CCDC59: variants seen among roughly 807,000 people sequenced by gnomAD.
The protein encoded by CCDC59 is thyroid transcription factor 1-associated protein 26.
In CCDC59, 27 loss-of-function variants were observed where a neutral mutation model predicts 30.5. The ratio of observed to expected loss-of-function variants is 0.89; its 90% CI spans 0.65 to 1.22. The LOEUF (loss-of-function observed/expected upper bound fraction) is 1.22, where lower values mean the gene tolerates loss of function less well. CCDC59 is among the 50% of genes most tolerant of loss of function. The probability of loss-of-function intolerance (pLI) is 0.00; values close to 1 mark genes in which losing one functional copy is unlikely to be tolerated. For synonymous variants in CCDC59, 125 were observed against 100.9 expected, an observed-to-expected ratio of 1.24 and a Z score of -1.43; for missense variants, 362 against 284.4, an observed-to-expected ratio of 1.27 and a Z score of -1.96.
rs749125579 is a variant in CCDC59 at position 82,354,494 on chromosome 12, CTTGT to C, written c.561_564del (p.Gln188AsnfsTer27). The C allele has an allele frequency of 6.3e-7, 1 of 1,575,378 alleles. No homozygotes were observed. Among genetic ancestry groups the C allele is most frequent in the East Asian group, 2.3e-5 (1 of 44,118 alleles). On this transcript the variant is annotated frameshift_variant and splice_region_variant, in exon 3 of 4. Coordinates refer to ENST00000256151, the MANE Select transcript of CCDC59 (RefSeq NM_014167.5). LOFTEE classifies it high-confidence loss of function. ...CTAAATATTTTCAAAGTAGAACTTA[CTTGT>C]TTCTTAGCAGCACGTTTGGCTTGTA... is the stretch of plus-strand genomic sequence containing the variant.
chr12:82,355,452 C>T (rs557660633), intron 2 of CCDC59: 1 of 152,092 alleles, frequency 6.6e-6, no homozygotes, highest in South Asian at 2.1e-4. Flanking sequence ...GAAAAAAAAT[C>T]GTATGTTGAA....
chr12:82,356,047 C>T (rs1880996960), intron 2 of CCDC59: 1 of 152,124 alleles, frequency 6.6e-6, no homozygotes, highest in African/African-American at 2.4e-5. Context: ...CTTTTTGTGT[C>T]TCTGCCTTCA....
Position 82,358,257 on chromosome 12 carries a change from G to A in CCDC59, c.120C>T (p.Asn40=), listed in dbSNP as rs749377738. The A allele has an allele frequency of 3.1e-6, 5 of 1,614,076 alleles. No homozygotes were observed. Among genetic ancestry groups the A allele is most frequent in the Non-Finnish European group, 4.2e-6 (5 of 1,180,040 alleles). Residue 40 remains asparagine, a synonymous_variant, in exon 1 of 4, where the codon AAC becomes AAT. Coordinates refer to ENST00000256151, the MANE Select transcript of CCDC59 (RefSeq NM_014167.5). ...KNVRQKTWRP[N]HPQAFVGSVR... ...CGCTCCCCACGAAGGCTTGCGGGTGGTTAGGCCGCCATGTCTTCTGTCTCA... is the reference window on the plus strand; with the variant it reads ...CGCTCCCCACGAAGGCTTGCGGGTGATTAGGCCGCCATGTCTTCTGTCTCA...
chr12:82,355,769 C>G (rs1210455219), intron 2 of CCDC59: 3 of 152,184 alleles, frequency 2.0e-5, no homozygotes, highest in African/African-American at 7.2e-5. Context: ...CACAACTTTT[C>G]TCTGTGGACT....
Position 82,358,346 on chromosome 12 carries a change from G to C in CCDC59, c.31C>G (p.Arg11Gly), listed in dbSNP as rs761012560. The part of the protein sequence containing the change: MAPVRRSAKW[R>G]PGGIEARGEG... ...CCACGCGCCTCAATACCACCAGGCC[G>C]CCACTTCGCGGACCGCCTCACCGGC... Residue 11 changes from arginine to glycine, a missense_variant, in exon 1 of 4, where the codon CGG becomes GGG. Physicochemically the swap from Arg to Gly is moderately radical, Grantham distance 125 (BLOSUM62 -2). Transcript: ENST00000256151. 1.2e-6 allele frequency: 2 copies of C among 1,613,784 alleles called. No individual in the cohort carries two copies. Among genetic ancestry groups the C allele is most frequent in the Non-Finnish European group, 8.5e-7 (1 of 1,180,010 alleles).
upstream of CCDC59, chr12:82,358,711 A>T (rs376861908): frequency 1.4e-5 from 23 of 1,613,914 alleles, no homozygotes; most frequent in African/African-American, 2.9e-4. Flanking sequence ...GTGTGGGAGG[A>T]GCTGGTCGAC....
rs1193058827 is a variant in CCDC59 at position 82,353,012 on chromosome 12, TA to T, written c.*138del. ...ATATTTAGAAAATTTTTTACCATAATAAAAATATGTGAACATCTTATATTTA... is the reference window on the plus strand; with the variant it reads ...ATATTTAGAAAATTTTTTACCATAATAAAATATGTGAACATCTTATATTTA... On this transcript the variant is annotated 3_prime_UTR_variant, in exon 4 of 4. Coordinates refer to ENST00000256151, the MANE Select transcript of CCDC59 (RefSeq NM_014167.5). 7 of 622,398 alleles carry T rather than the reference TA, an allele frequency of 1.1e-5. No individual in the cohort carries two copies. The African/African-American group carries it at 1.3e-4, about 12-fold the overall frequency. 38.6% of individuals were successfully genotyped at this position (622,398 alleles called of 1,614,324 possible).
rs1880881838 is a variant in CCDC59, at chr12:82,353,249, C to T, written c.628G>A (p.Glu210Lys). ...TTTTTGTTCAGTATTTTAAACACTT[C>T]CATTTTCTTCTTTTTGTACTGCCTT... ...AQRQYKKKKM[E>K]VFKILNKKTK... Residue 210 changes from glutamate (E) to lysine (K), a missense_variant, in exon 4 of 4, where the codon GAA becomes AAA. Transcript: ENST00000256151. 6.2e-7 allele frequency: 1 copy of T among 1,612,808 alleles called. No homozygotes were observed. Among genetic ancestry groups the T allele is most frequent in the African/African-American group, 1.3e-5 (1 of 74,842 alleles).
intron 2 of CCDC59, chr12:82,355,730 C>T (rs1880987265): frequency 6.6e-6 from 1 of 152,108 alleles, no homozygotes; most frequent in Non-Finnish European, 1.5e-5. Flanking sequence ...TAACGGGGGA[C>T]CACAATATTT....
upstream of CCDC59, chr12:82,358,697 A>G: frequency 1.2e-6 from 2 of 1,614,158 alleles, no homozygotes; most frequent in South Asian, 2.2e-5. Context: ...TCTACACAGA[A>G]TCCGTGTGGG....
intron 1 of CCDC59, 64 bp from the exon 2 acceptor site, chr12:82,357,333 T>G: frequency 7.4e-7 from 1 of 1,359,732 alleles, no homozygotes; most frequent in Non-Finnish European, 1.0e-6. Context: ...AGAATGGAGC[T>G]GTTAATTACA....
chr12:82,353,326 C>T lies in CCDC59; in HGVS notation c.565-14G>A. On this transcript the variant is annotated splice_polypyrimidine_tract_variant and intron_variant, in intron 3 of 3. Coordinates refer to ENST00000256151, the MANE Select transcript of CCDC59 (RefSeq NM_014167.5). ...CCTCTCGAATTCCTAAAATTATTAACATATGTAACTTTCATTAGCAACAAA... is the reference window on the plus strand; with the variant it reads ...CCTCTCGAATTCCTAAAATTATTAATATATGTAACTTTCATTAGCAACAAA... The T allele has an allele frequency of 6.3e-7, 1 of 1,584,060 alleles. No individual in the cohort carries two copies. Among genetic ancestry groups the T allele is most frequent in the Non-Finnish European group, 8.6e-7 (1 of 1,167,844 alleles).
intron 3 of CCDC59, 109 bp from the exon 4 acceptor site, chr12:82,353,421 C>A (rs1290545564): frequency 5.8e-6 from 5 of 859,014 alleles, no homozygotes; most frequent in Non-Finnish European, 1.7e-6. Context: ...TTTGTCTCTT[C>A]TATTTTGCAA....
intron 3 of CCDC59, among the ~76,000 whole-genome samples, chr12:82,354,111 T>C (rs903529487): frequency 6.6e-6 from 1 of 152,118 alleles, no homozygotes; most frequent in African/African-American, 2.4e-5. Context: ...TTCTTCAATG[T>C]AATGTTATGA....
rs763980491 is a variant in CCDC59, at chr12:82,358,229, G to A, written c.148C>T (p.Arg50Cys). The stretch of plus-strand genomic sequence containing the variant: ...TGGTTGCCTTCTTACATACCCTCGC[G>A]AACGCTCCCCACGAAGGCTTGCGGG... ...NHPQAFVGSV[R>C]EGQGFAFRRK... The change falls in exon 1 of 4, where the codon CGC becomes TGC. Residue 50 changes from arginine (R) to cysteine (C), a missense_variant. Arg to Cys is a radical substitution (Grantham distance 180, BLOSUM62 -3). Transcript: ENST00000256151. 49 of 1,614,116 alleles carry A rather than the reference G, an allele frequency of 3.0e-5. No individual in the cohort carries two copies. The highest frequency in any genetic ancestry group is 3.8e-5 in the Non-Finnish European group (45 of 1,180,026).
chr12:82,353,498 G>A (rs969113418), intron 3 of CCDC59, among the ~76,000 whole-genome samples, 186 bp from the exon 4 acceptor site: 4 of 152,026 alleles, frequency 2.6e-5, no homozygotes, highest in Non-Finnish European at 5.9e-5. Flanking sequence ...ATGACCCATG[G>A]TATAACAGAG....
rs528616310 is a variant in CCDC59, at chr12:82,352,784, G to C, written c.*367C>G. The C allele has an allele frequency of 6.4e-6, 1 of 157,212 alleles. No homozygotes were observed. The highest frequency in any genetic ancestry group is 2.4e-5 in the African/African-American group (1 of 41,510). 9.7% of individuals were successfully genotyped at this position (157,212 alleles called of 1,614,324 possible). On this transcript the variant is annotated 3_prime_UTR_variant, in exon 4 of 4. Transcript: ENST00000256151. Reference sequence around the variant, plus strand: ...TCATTAAAATAAATTTTAAAACAACGTAACTGTTTACTAAATTGAAATATT... The same window carrying C: ...TCATTAAAATAAATTTTAAAACAACCTAACTGTTTACTAAATTGAAATATT...
intron 1 of CCDC59, 80 bp from the exon 2 acceptor site, chr12:82,357,349 A>C: frequency 8.1e-7 from 1 of 1,233,238 alleles, no homozygotes; most frequent in Non-Finnish European, 1.1e-6. Flanking sequence ...TTACAAATGA[A>C]AACTTTTTTT....
At position 82,358,229 on chromosome 12, in the gene CCDC59, G is replaced by C; in HGVS notation, c.148C>G (p.Arg50Gly). ...TGGTTGCCTTCTTACATACCCTCGC[G>C]AACGCTCCCCACGAAGGCTTGCGGG... ...NHPQAFVGSV[R>G]EGQGFAFRRK... Residue 50 changes from arginine (R) to glycine (G), a missense_variant, in exon 1 of 4, where the codon CGC (arginine) becomes GGC (glycine). By Grantham distance (125) the Arg-to-Gly change is moderately radical (BLOSUM62 -2). Transcript: ENST00000256151. 1 of 1,614,116 alleles carries C rather than the reference G, an allele frequency of 6.2e-7. No homozygotes were observed. The highest frequency in any genetic ancestry group is 1.1e-5 in the South Asian group (1 of 91,084).
Sources: gnomAD v4.1 joint callset for allele counts (sites outside exome capture counted in the v4.1 genomes callset) on GRCh38, gnomAD v4.1.1 for gene constraint, MANE v1.5 for transcripts, NCBI Gene and HGNC (gene_info 2026-07-23, HGNC 2026-07-21) for gene names.